The following OTUD6B variants were observed in gnomAD, a reference collection of about 807,000 sequenced individuals.
The protein encoded by OTUD6B is OTU deubiquitinase 6B.
OTUD6B carries 41 observed loss-of-function variants against 36.9 expected under a neutral mutation model. The ratio of observed to expected loss-of-function variants is 1.11; its 90% CI spans 0.87 to 1.44. The LOEUF is 1.44. Among genes scored for constraint, OTUD6B ranks in the 40% most tolerant of loss-of-function variants. The pLI is 0.00. For missense variants in OTUD6B, 356 were observed against 344.8 expected (o/e 1.03, Z -0.26); for synonymous variants, 114 against 114.2 (o/e 1.00, Z 0.01).
At chr8:91,071,348 G>T in intron 2 of OTUD6B, 59 bp downstream of exon 2, 61 of 1,209,866 alleles carry the variant, frequency 5.0e-5, no homozygotes, top group Non-Finnish European at 6.4e-5. Flanking sequence ...GTCCACTTCT[G>T]TTAAATGTTA....
At chr8:91,082,939 A>G (rs1318374557) in intron 5 of OTUD6B, among the ~76,000 whole-genome samples, 4 of 151,444 alleles carry the variant, frequency 2.6e-5, no homozygotes, top group Non-Finnish European at 5.9e-5. Flanking sequence ...GAATGCCTGG[A>G]CTCAAGGTAT....
At chr8:91,077,158 A>G (rs1812817334) in intron 3 of OTUD6B, among the ~76,000 whole-genome samples, 1 of 152,072 alleles carries the variant, frequency 6.6e-6, no homozygotes, top group South Asian at 2.1e-4. Flanking sequence ...TTCTTAAATT[A>G]TAAAGCAGTT....
chr8:91,071,756 G>A (rs1812704156), intron 2 of OTUD6B, among the ~76,000 whole-genome samples: 1 of 152,164 alleles, frequency 6.6e-6, no homozygotes, highest in African/African-American at 2.4e-5. Context: ...AAGTTTACAG[G>A]GCAGTGTGTT....
chr8:91,075,355 A>G (rs1057498315), intron 3 of OTUD6B, among the ~76,000 whole-genome samples: 2 of 152,000 alleles, frequency 1.3e-5, no homozygotes, highest in Non-Finnish European at 2.9e-5. Flanking sequence ...GAATTTTTGC[A>G]TGCCAGTAGC....
chr8:91,070,377 T>G lies in OTUD6B; in HGVS notation c.-8T>G. ...CTTCTAGCGCGTGTGCTGGGGTACC[T>G]GGTCGTCATGGAGGCGGTATTGACC... On this transcript the variant is annotated 5_prime_UTR_variant, in exon 1 of 7. Coordinates refer to ENST00000404789, the MANE Select transcript of OTUD6B (RefSeq NM_016023.5). 1 of 1,610,894 alleles carries G rather than the reference T, an allele frequency of 6.2e-7. No individual in the cohort carries two copies. The highest frequency in any genetic ancestry group is 1.1e-5 in the South Asian group (1 of 90,304).
chr8:91,073,814 CTTTTTG>C lies in OTUD6B; in HGVS notation c.235-13_235-8del, dbSNP rs1276253066. On this transcript the variant is annotated splice_polypyrimidine_tract_variant and intron_variant, in intron 2 of 6. Coordinates refer to ENST00000404789, the MANE Select transcript of OTUD6B (RefSeq NM_016023.5). The stretch of plus-strand genomic sequence containing the variant: ...TAATAAGTACATTGACTTGTTAATG[CTTTTTG>C]TTTCCTTCAGATAGATTCTGTTGCT... 1 of 1,556,158 alleles carries C rather than the reference CTTTTTG, an allele frequency of 6.4e-7. No individual in the cohort carries two copies. The highest frequency in any genetic ancestry group is 1.2e-5 in the South Asian group (1 of 83,962).
At position 91,085,213 on chromosome 8, in the gene OTUD6B, C is replaced by T. The variant is rs1460047537; in HGVS notation, c.*345C>T. The T allele has an allele frequency of 1.3e-5, 2 of 156,636 alleles. No homozygotes were observed. The highest frequency in any genetic ancestry group is 2.8e-5 in the Non-Finnish European group (2 of 71,220). 9.7% of individuals were successfully genotyped at this position (156,636 alleles called of 1,614,324 possible). ...TTAATTCTCCCTTTTCTGCCTGTTC[C>T]TAAAAACTTTCAAAATAACCATTTC... On this transcript the variant is annotated 3_prime_UTR_variant, in exon 7 of 7. Transcript: ENST00000404789.
chr8:91,076,335 T>C, intron 3 of OTUD6B: 1 of 335,834 alleles, frequency 3.0e-6, no homozygotes, highest in South Asian at 1.2e-4. Flanking sequence ...GAAACCAAAG[T>C]GCCTAGTGCT....
At chr8:91,083,955 G>T in intron 5 of OTUD6B, 53 bp from the exon 6 acceptor site, 1 of 1,539,992 alleles carries the variant, frequency 6.5e-7, no homozygotes, top group South Asian at 1.2e-5. Context: ...ACACATATTT[G>T]AATGTGATTT....
intron 3 of OTUD6B, among the ~76,000 whole-genome samples, chr8:91,076,079 T>C (rs1812797903): frequency 6.6e-6 from 1 of 152,088 alleles, no homozygotes; most frequent in Non-Finnish European, 1.5e-5. Context: ...TTGAATTCAA[T>C]TTCTGTATTT....
chr8:91,076,385 A>G (rs1812803428), intron 3 of OTUD6B: 1 of 849,350 alleles, frequency 1.2e-6, no homozygotes, highest in South Asian at 5.4e-5. Context: ...AATTCAGTGG[A>G]TTTCTTACCT....
In OTUD6B at chr8:91,078,529, T is replaced by C. The variant is rs1168342262; in HGVS notation, c.489T>C (p.Ile163=). 2 of 1,609,920 alleles carry C rather than the reference T, an allele frequency of 1.2e-6. No homozygotes were observed. The highest frequency in any genetic ancestry group is 1.7e-6 in the Non-Finnish European group (2 of 1,178,032). Residue 163 remains isoleucine (I), a synonymous_variant, in exon 4 of 7, where the codon ATT becomes ATC. Coordinates refer to ENST00000404789, the MANE Select transcript of OTUD6B (RefSeq NM_016023.5). The part of the protein sequence containing the change: ...PSDGHCMYKA[I]EDQLKEKDCA... Reference sequence around the variant, plus strand: ...ATGGCCACTGTATGTATAAAGCCATTGAAGATCAACTGAAAGAAAAGGATT... The same window carrying C: ...ATGGCCACTGTATGTATAAAGCCATCGAAGATCAACTGAAAGAAAAGGATT...
intron 4 of OTUD6B, 41 bp downstream of exon 4, chr8:91,078,709 TGTA>T: frequency 7.1e-7 from 1 of 1,401,636 alleles, no homozygotes; most frequent in Non-Finnish European, 9.6e-7. Context: ...GTTGCTTTGT[TGTA>T]GTTGTTTTTA....
intron 3 of OTUD6B, among the ~76,000 whole-genome samples, chr8:91,077,624 G>A (rs1213813719): frequency 2.0e-5 from 3 of 151,876 alleles, no homozygotes; most frequent in Non-Finnish European, 4.4e-5. Flanking sequence ...TGTTTCCATG[G>A]GAGGAGCTTA....
chr8:91,078,751 A>G (rs1333172353), intron 4 of OTUD6B, 83 bp downstream of exon 4: 2 of 827,412 alleles, frequency 2.4e-6, no homozygotes, highest in East Asian at 2.8e-5. Context: ...ACTGAGCGTA[A>G]GAAGAACCCA....
Position 91,083,990 on chromosome 8 carries a change from C to T in OTUD6B, c.691-18C>T. On this transcript the variant is annotated intron_variant, in intron 5 of 6. Coordinates refer to ENST00000404789, the MANE Select transcript of OTUD6B (RefSeq NM_016023.5). ...TACATTTTTATTTTCCTTACTGATA[C>T]TTTTTTTCTTCCTATAGCTAAGAGC... 1 of 1,541,628 alleles carries T rather than the reference C, an allele frequency of 6.5e-7. No individual in the cohort carries two copies. The highest frequency in any genetic ancestry group is 1.2e-5 in the South Asian group (1 of 80,314).
chr8:91,084,805 CT>C lies in OTUD6B; in HGVS notation c.821del (p.Leu274Ter). On this transcript the variant is annotated frameshift_variant, in exon 7 of 7. Coordinates refer to ENST00000404789, the MANE Select transcript of OTUD6B (RefSeq NM_016023.5). LOFTEE classifies it high-confidence loss of function. ...ILVYMRHAYG[L>X]GEHYNSVTRL... is the part of the protein sequence containing the mutation. ...TCAGATATATGAGACATGCATATGG[CT>C]TAGGAGAACATTATAATTCGGTTAC... 6.3e-7 allele frequency: 1 copy of C among 1,578,062 alleles called. No individual in the cohort carries two copies. The highest frequency in any genetic ancestry group is 1.4e-5 in the African/African-American group (1 of 72,988).
chr8:91,083,670 G>T (rs921049104), intron 5 of OTUD6B, among the ~76,000 whole-genome samples: 6 of 152,010 alleles, frequency 3.9e-5, no homozygotes, highest in Non-Finnish European at 8.8e-5. Flanking sequence ...TACCTTCATG[G>T]TGTGTGTGTA....
At position 91,078,681 on chromosome 8, in the gene OTUD6B, T is replaced by G; in HGVS notation, c.628+13T>G. 1 of 1,503,864 alleles carries G rather than the reference T, an allele frequency of 6.6e-7. No homozygotes were observed. The highest frequency in any genetic ancestry group is 9.0e-7 in the Non-Finnish European group (1 of 1,112,574). 93.2% of individuals were successfully genotyped at this position (1,503,864 alleles called of 1,614,324 possible). A position where few individuals can be genotyped will look rare whatever the true frequency, so the allele number is the denominator to read the frequency against. ...ATGTATACTCCAGGTAATTTATTTTTCTTTACTATGTTTTATTGTTGCTTT... is the reference window on the plus strand; with the variant it reads ...ATGTATACTCCAGGTAATTTATTTTGCTTTACTATGTTTTATTGTTGCTTT... On this transcript the variant is annotated intron_variant, in intron 4 of 6. Transcript: ENST00000404789.
Sources: gnomAD v4.1 joint callset for allele counts (sites outside exome capture counted in the v4.1 genomes callset) on GRCh38, gnomAD v4.1.1 for gene constraint, MANE v1.5 for transcripts, NCBI Gene and HGNC (gene_info 2026-07-23, HGNC 2026-07-21) for gene names.